Variants in PTPRO observed in about 807,000 individuals in gnomAD.
The protein encoded by PTPRO is protein tyrosine phosphatase receptor type O.
In PTPRO, 62 loss-of-function variants were observed where a neutral mutation model predicts 145.2. The ratio of observed to expected loss-of-function variants is 0.43; its 90% CI spans 0.35 to 0.53. The LOEUF is 0.53. PTPRO is among the 20% of genes least tolerant of loss of function. PTPRO has a pLI of 0.01. For synonymous variants in PTPRO, 565 were observed against 514.7 expected (o/e 1.10, Z -1.32); for missense variants, 1,345 against 1,482.7 (o/e 0.91, Z 1.53).
chr12:15,349,932 A>T (rs1565579216), intron 1 of PTPRO, among the ~76,000 whole-genome samples: 1 of 152,230 alleles, frequency 6.6e-6, no homozygotes, highest in Non-Finnish European at 1.5e-5. Context: ...TAGGGACCAA[A>T]GTAGAAGACA....
intron 25 of PTPRO, 51 bp from the exon 26 acceptor site, chr12:15,594,886 T>C (rs750077689): frequency 1.0e-4 from 134 of 1,277,488 alleles, no homozygotes; most frequent in Non-Finnish European, 2.0e-5. Flanking sequence ...TATAAAATAT[T>C]ATATCTTTGC....
intron 1 of PTPRO, among the ~76,000 whole-genome samples, chr12:15,339,474 C>G (rs1209313568): frequency 1.3e-5 from 2 of 152,134 alleles, no homozygotes; most frequent in African/African-American, 4.8e-5. Context: ...AATTATCATA[C>G]CTCATTTTAG....
chr12:15,584,876 A>G (rs1278079708), intron 23 of PTPRO, among the ~76,000 whole-genome samples: 1 of 152,214 alleles, frequency 6.6e-6, no homozygotes, highest in Non-Finnish European at 1.5e-5. Context: ...AGATAAAACC[A>G]GAAGAGTTTT....
chr12:15,467,427 T>TGTGTGA (rs1346740008), intron 1 of PTPRO, among the ~76,000 whole-genome samples: 1 of 151,776 alleles, frequency 6.6e-6, no homozygotes, highest in Non-Finnish European at 1.5e-5. Context: ...TGTGTGTGTG[T>TGTGTGA]GTGTATGTGT....
chr12:15,522,429 C>G (rs1037922376), intron 10 of PTPRO, among the ~76,000 whole-genome samples: 1 of 151,730 alleles, frequency 6.6e-6, no homozygotes, highest in Non-Finnish European at 1.5e-5. Flanking sequence ...CCCCACCCCC[C>G]GACAGTTCTC....
intron 1 of PTPRO, among the ~76,000 whole-genome samples, chr12:15,452,373 G>C (rs1941069083): frequency 6.6e-6 from 1 of 152,072 alleles, no homozygotes; most frequent in East Asian, 1.9e-4. Flanking sequence ...AACAACAAAA[G>C]TCCAGGACTA....
At chr12:15,424,931 T>A (rs1473018727) in intron 1 of PTPRO, among the ~76,000 whole-genome samples, 1 of 152,118 alleles carries the variant, frequency 6.6e-6, no homozygotes, top group Non-Finnish European at 1.5e-5. Context: ...AGAGATGGCT[T>A]CCTCAGGCAT....
At chr12:15,341,857 A>C (rs1410024719) in intron 1 of PTPRO, among the ~76,000 whole-genome samples, 2 of 152,366 alleles carry the variant, frequency 1.3e-5, no homozygotes, top group South Asian at 2.1e-4. Context: ...ACCTGCCTGC[A>C]ATCACTTAGT....
chr12:15,452,654 C>G (rs2136381516), intron 1 of PTPRO, among the ~76,000 whole-genome samples: 1 of 152,230 alleles, frequency 6.6e-6, no homozygotes, highest in Admixed American at 6.5e-5. Context: ...TCACCATGAT[C>G]AAATGGGTTT....
At chr12:15,329,391 T>C (rs1258956309) in intron 1 of PTPRO, among the ~76,000 whole-genome samples, 1 of 152,238 alleles carries the variant, frequency 6.6e-6, no homozygotes, top group Non-Finnish European at 1.5e-5. Context: ...CCCACCTCCC[T>C]ATACTTACTT....
intron 1 of PTPRO, among the ~76,000 whole-genome samples, chr12:15,336,794 A>G (rs1400424799): frequency 2.0e-5 from 3 of 152,182 alleles, no homozygotes; most frequent in Admixed American, 2.0e-4. Context: ...CCTTGCTAAT[A>G]TCTTGCTAAT....
chr12:15,559,826 C>CTTAA (rs1943726516), intron 16 of PTPRO, among the ~76,000 whole-genome samples: 1 of 152,058 alleles, frequency 6.6e-6, no homozygotes, highest in Non-Finnish European at 1.5e-5. Context: ...TTAAAATAGG[C>CTTAA]TTAAGCATAG....
chr12:15,374,351 T>G (rs1338828251), intron 1 of PTPRO, among the ~76,000 whole-genome samples: 1 of 152,144 alleles, frequency 6.6e-6, no homozygotes, highest in East Asian at 1.9e-4. Context: ...CAAATTAACT[T>G]TTTCAGAACT....
At chr12:15,572,971 G>A (rs911618349) in intron 19 of PTPRO, among the ~76,000 whole-genome samples, 2 of 152,200 alleles carry the variant, frequency 1.3e-5, no homozygotes, top group Non-Finnish European at 2.9e-5. Flanking sequence ...GTCCTAGGCC[G>A]AAAGTGTTTG....
At chr12:15,458,165 T>C (rs913782206) in intron 1 of PTPRO, among the ~76,000 whole-genome samples, 1 of 152,202 alleles carries the variant, frequency 6.6e-6, no homozygotes, top group Non-Finnish European at 1.5e-5. Flanking sequence ...CTTTCAGCAC[T>C]TTTAATATAT....
chr12:15,439,553 G>A, intron 1 of PTPRO: 1 of 247,372 alleles, frequency 4.0e-6, no homozygotes, highest in Non-Finnish European at 8.1e-6. Flanking sequence ...GTGGAGCGAG[G>A]GGGCCCGGAG....
chr12:15,595,016 T>C lies in PTPRO; in HGVS notation c.3626T>C (p.Ile1209Thr), dbSNP rs1477110890. 6.2e-7 allele frequency: 1 copy of C among 1,613,818 alleles called. No homozygotes were observed. Among genetic ancestry groups the C allele is most frequent in the Admixed American group, 1.7e-5 (1 of 60,022 alleles). The stretch of plus-strand genomic sequence containing the variant: ...CAGCAGTTCTGCATCAGTGATGTCA[T>C]ATACGAGAATGTTAGCAAGTCCTAG... ...KKQQFCISDV[I>T]YENVSKS The change falls in exon 26 of 27, where the codon ATA becomes ACA. Residue 1209 changes from isoleucine (I) to threonine (T), a missense_variant. Physicochemically the swap from Ile to Thr is moderately conservative, Grantham distance 89. Transcript: ENST00000281171.
intron 1 of PTPRO, among the ~76,000 whole-genome samples, chr12:15,338,373 T>C (rs540571595): frequency 1.3e-4 from 20 of 152,174 alleles, no homozygotes; most frequent in Non-Finnish European, 2.9e-5. Context: ...AGAAAAACAA[T>C]AACTACAATT....
chr12:15,408,801 T>C (rs1939715611), intron 1 of PTPRO, among the ~76,000 whole-genome samples: 1 of 152,214 alleles, frequency 6.6e-6, no homozygotes, highest in South Asian at 2.1e-4. Context: ...TTATTTCCCA[T>C]TTTAAAAGTG....
Sources: gnomAD v4.1 joint callset for allele counts (sites outside exome capture counted in the v4.1 genomes callset) on GRCh38, gnomAD v4.1.1 for gene constraint, MANE v1.5 for transcripts, NCBI Gene and HGNC (gene_info 2026-07-23, HGNC 2026-07-21) for gene names.